RTN4: variants seen among roughly 807,000 people sequenced by gnomAD.
RTN4 encodes reticulon 4, also known as reticulon-4.
A neutral mutation model predicts 90.4 loss-of-function variants in RTN4; 32 were observed. The ratio of observed to expected loss-of-function variants is 0.35; its 90% CI spans 0.27 to 0.48. The LOEUF is 0.48. RTN4 is among the 20% of genes least tolerant of loss of function. RTN4 has a pLI of 0.99. For missense variants in RTN4, 1,706 were observed against 1,430.2 expected (o/e 1.19, Z -3.11); for synonymous variants, 629 against 552.5 (o/e 1.14, Z -1.94).
chr2:54,992,645 T>A (rs1409020857), intron 3 of RTN4, among the ~76,000 whole-genome samples: 1 of 152,134 alleles, frequency 6.6e-6, no homozygotes, highest in Non-Finnish European at 1.5e-5. Context: ...AATCAGGGTA[T>A]ATTTATGCAA....
At chr2:54,984,221 T>G (rs1678371421) in intron 4 of RTN4, among the ~76,000 whole-genome samples, 1 of 152,190 alleles carries the variant, frequency 6.6e-6, no homozygotes. Context: ...AACAATGCTT[T>G]CTTTTGTGTT....
rs1247958969 is a variant in RTN4, at chr2:55,107,928, A to G, written c.-214+4592T>C. 2.6e-5 allele frequency among the ~76,000 whole-genome samples: 4 copies of G among 151,834 alleles called. 1 individual carries two copies. Among genetic ancestry groups the G allele is most frequent in the Non-Finnish European group, 2.9e-5 (2 of 68,002 alleles). On this transcript the variant is annotated intron_variant, in intron 1 of 3. Coordinates refer to the RTN4 transcript ENST00000427710. Reference sequence around the variant, plus strand: ...AGCTACATAGAGACTGGACTTTAAAACACACGTTTCCCATCCTGTTAAATT... The same window carrying G: ...AGCTACATAGAGACTGGACTTTAAAGCACACGTTTCCCATCCTGTTAAATT...
upstream of RTN4, among the ~76,000 whole-genome samples, chr2:55,117,156 G>A (rs1042712380): frequency 6.6e-6 from 1 of 152,176 alleles, no homozygotes; most frequent in Non-Finnish European, 1.5e-5. Context: ...TTACAGGTGT[G>A]AGCCACCGCA....
At chr2:55,092,797 A>G (rs1668963894) in intron 1 of RTN4, among the ~76,000 whole-genome samples, 1 of 152,246 alleles carries the variant, frequency 6.6e-6, no homozygotes, top group African/African-American at 2.4e-5. Flanking sequence ...GCTCCCCTGG[A>G]GAAAGCAGAG....
intron 1 of RTN4, among the ~76,000 whole-genome samples, chr2:55,048,646 C>G (rs1667910000): frequency 1.3e-5 from 2 of 152,156 alleles, no homozygotes; most frequent in Admixed American, 1.3e-4. Flanking sequence ...TGCGGTCTGT[C>G]CTTGACCTAA....
the RTN4 span, among the ~76,000 whole-genome samples, chr2:55,126,788 G>T: frequency 6.6e-5 from 10 of 152,208 alleles, no homozygotes; most frequent in African/African-American, 2.4e-4. Context: ...ATGCCCATCA[G>T]TGACAGATTG....
chr2:55,119,999 G>A, the RTN4 span, among the ~76,000 whole-genome samples: 13,493 of 152,276 alleles, frequency 0.089, 647 homozygotes, highest in East Asian at 0.19. Flanking sequence ...GGAAAAAAGC[G>A]CAGTCATTGC....
chr2:55,044,030 C>A (rs1388167178), intron 1 of RTN4, among the ~76,000 whole-genome samples: 6 of 150,922 alleles, frequency 4.0e-5, no homozygotes, highest in African/African-American at 1.5e-4. Flanking sequence ...ACCCTATCTG[C>A]ACGAAAAACA....
At chr2:54,984,365 A>G (rs1245726736) in intron 4 of RTN4, among the ~76,000 whole-genome samples, 1 of 152,228 alleles carries the variant, frequency 6.6e-6, no homozygotes, top group Non-Finnish European at 1.5e-5. Flanking sequence ...ACACTGTTAG[A>G]CAATTATTAA....
chr2:54,981,661 A>C (rs1678138142), intron 5 of RTN4, among the ~76,000 whole-genome samples: 1 of 152,236 alleles, frequency 6.6e-6, no homozygotes, highest in Non-Finnish European at 1.5e-5. Context: ...GTTTATTTGC[A>C]AGGTGAGACT....
At chr2:55,128,694 A>G in the RTN4 span, among the ~76,000 whole-genome samples, 2 of 152,218 alleles carry the variant, frequency 1.3e-5, no homozygotes, top group Non-Finnish European at 2.9e-5. Context: ...AGATATAGGC[A>G]AAGTTAAAAA....
intron 3 of RTN4, chr2:55,010,367 T>A: frequency 7.6e-7 from 1 of 1,317,742 alleles, no homozygotes; most frequent in Non-Finnish European, 9.7e-7. Context: ...TTTCCTTCTA[T>A]CTGTTGATTG....
upstream of RTN4, among the ~76,000 whole-genome samples, chr2:55,115,539 A>G (rs190338322): frequency 6.6e-6 from 1 of 152,364 alleles, no homozygotes; most frequent in Admixed American, 6.5e-5. Flanking sequence ...ATTTCTAGAA[A>G]TCTGAGAATA....
intron 3 of RTN4, among the ~76,000 whole-genome samples, chr2:54,997,824 A>C (rs528038282): frequency 6.6e-6 from 1 of 152,260 alleles, no homozygotes; most frequent in African/African-American, 2.4e-5. Flanking sequence ...ACTTTAGTAT[A>C]CTGTTACCAT....
chr2:55,014,550 G>T (rs7584430), intron 3 of RTN4: 99,011 of 150,416 alleles, frequency 0.66, 33,398 homozygotes, highest in African/African-American at 0.82. Context: ...ACAGAGTCTC[G>T]CTCTGTCACC....
chr2:54,992,078 T>C (rs1048863041), intron 3 of RTN4, among the ~76,000 whole-genome samples: 1 of 152,310 alleles, frequency 6.6e-6, no homozygotes, highest in African/African-American at 2.4e-5. Flanking sequence ...GTTATGCCTG[T>C]AATTCCAGCA....
the RTN4 span, among the ~76,000 whole-genome samples, chr2:55,128,833 A>G: frequency 0.95 from 144,107 of 151,668 alleles, 68,560 homozygotes; most frequent in African/African-American, 0.98. Flanking sequence ...AGGGCTGGGC[A>G]CGGTGGCTCA....
chr2:55,052,130 G>A (rs1429584924), upstream of RTN4, among the ~76,000 whole-genome samples: 2 of 152,134 alleles, frequency 1.3e-5, no homozygotes, highest in Admixed American at 6.5e-5. Context: ...ATCCTGTAAT[G>A]GTGGATACAT....
intron 3 of RTN4, among the ~76,000 whole-genome samples, chr2:54,997,964 G>T (rs1679563236): frequency 6.6e-6 from 1 of 152,192 alleles, no homozygotes; most frequent in East Asian, 1.9e-4. Flanking sequence ...AGTTTCTAGG[G>T]CATACGCTAG....
Sources: allele counts gnomAD v4.1 joint callset (sites outside exome capture counted in the v4.1 genomes callset), GRCh38; gene constraint gnomAD v4.1.1; transcripts MANE v1.5; gene names NCBI Gene and HGNC (gene_info 2026-07-23, HGNC 2026-07-21).